Variants in WDFY2 observed in about 807,000 individuals in gnomAD.
WDFY2 encodes the protein WD repeat and FYVE domain-containing protein 2.
In WDFY2, 36 loss-of-function variants were observed where a neutral mutation model predicts 56.4. The ratio of observed to expected loss-of-function variants is 0.64; its 90% confidence interval spans 0.49 to 0.84. WDFY2 has a LOEUF of 0.84. WDFY2 is among the 40% of genes least tolerant of loss of function. The pLI is 0.00. For synonymous variants in WDFY2, 176 were observed against 183.7 expected (o/e 0.96, Z 0.34); for missense variants, 444 against 512.2 (o/e 0.87, Z 1.29).
At chr13:51,684,932 C>T (rs577594488) in intron 3 of WDFY2, among the ~76,000 whole-genome samples, 171 of 152,298 alleles carry the variant, frequency 1.1e-3, no homozygotes, top group Non-Finnish European at 1.9e-3. Flanking sequence ...ACACATTCCC[C>T]TGTGTATAGA....
At chr13:51,753,773 CTGTGTG>C (rs377762638) in intron 8 of WDFY2, among the ~76,000 whole-genome samples, 1 of 151,328 alleles carries the variant, frequency 6.6e-6, no homozygotes, top group South Asian at 2.1e-4. Context: ...GTATGTGTGT[CTGTGTG>C]TGTGTTTTAA....
chr13:51,717,656 G>C (rs1186401941), intron 4 of WDFY2, among the ~76,000 whole-genome samples: 1 of 152,102 alleles, frequency 6.6e-6, no homozygotes, highest in African/African-American at 2.4e-5. Context: ...ATCACTGATA[G>C]AACTTGAATT....
rs1951845710 is a variant in WDFY2, at chr13:51,695,363, G to T, written c.280-8233G>T. ...GGTGATGTACAGATGGGTTTTTGGT[G>T]TGGATGTCCTTTCTGTTTGTTAGTT... On this transcript the variant is annotated intron_variant, in intron 3 of 11. Transcript: ENST00000298125. Among the ~76,000 whole-genome samples the T allele has an allele frequency of 1.3e-5, 2 of 152,174 alleles. 1 individual carries two copies. Among genetic ancestry groups the T allele is most frequent in the South Asian group, 4.1e-4 (2 of 4,838 alleles).
chr13:51,675,520 G>A (rs1593401958), intron 3 of WDFY2, among the ~76,000 whole-genome samples: 1 of 152,296 alleles, frequency 6.6e-6, no homozygotes. Flanking sequence ...GCATGAATCT[G>A]CATTAGTGAG....
rs1253889825 is a variant in WDFY2, at chr13:51,584,755, C to G, written c.68C>G (p.Ser23Cys). Residue 23 changes from serine to cysteine, a missense_variant, in exon 1 of 12, where the codon TCC becomes TGC. Coordinates refer to ENST00000298125, the MANE Select transcript of WDFY2 (RefSeq NM_052950.4). ...ATCCTGCTGCAGCGGATGGAGGGGT[C>G]CCAGGAGGTGGTGAATATGGCCGTG... is the stretch of plus-strand genomic sequence containing the variant. ...KPILLQRMEG[S>C]QEVVNMAVIV... 3.1e-6 allele frequency: 5 copies of G among 1,613,878 alleles called. No individual in the cohort carries two copies. Among genetic ancestry groups the G allele is most frequent in the Non-Finnish European group, 4.2e-6 (5 of 1,179,798 alleles).
At chr13:51,729,457 C>T (rs1315597368) in intron 6 of WDFY2, among the ~76,000 whole-genome samples, 2 of 152,020 alleles carry the variant, frequency 1.3e-5, no homozygotes, top group Non-Finnish European at 2.9e-5. Flanking sequence ...TGTATATCCC[C>T]CTCACCCCAA....
chr13:51,742,512 C>T (rs554228274), intron 7 of WDFY2, among the ~76,000 whole-genome samples: 67 of 152,110 alleles, frequency 4.4e-4, no homozygotes, highest in African/African-American at 1.5e-3. Flanking sequence ...TGGTTATTAC[C>T]GAAACATAAA....
intron 1 of WDFY2, chr13:51,587,337 T>A (rs1392500954): frequency 6.6e-6 from 1 of 152,244 alleles, no homozygotes; most frequent in Non-Finnish European, 1.5e-5. Flanking sequence ...ATTCATTGTA[T>A]CATCATTAGG....
chr13:51,649,957 A>C (rs1955342155), intron 1 of WDFY2, among the ~76,000 whole-genome samples: 1 of 152,026 alleles, frequency 6.6e-6, no homozygotes, highest in Admixed American at 6.6e-5. Context: ...CTGTGAAGAA[A>C]GTCATTGGTA....
At chr13:51,757,457 G>GA (rs34923461) in intron 10 of WDFY2, among the ~76,000 whole-genome samples, 51 of 137,484 alleles carry the variant, frequency 3.7e-4, no homozygotes, top group South Asian at 3.7e-3. Context: ...TAGAAAAAAG[G>GA]AAAAAAAAAA....
At chr13:51,661,626 A>G (rs1310049505) in intron 2 of WDFY2, among the ~76,000 whole-genome samples, 6 of 152,248 alleles carry the variant, frequency 3.9e-5, no homozygotes, top group South Asian at 4.1e-4. Context: ...TAATAACTCA[A>G]ACAACAATTT....
chr13:51,651,972 G>A (rs1029581374), intron 1 of WDFY2, among the ~76,000 whole-genome samples: 4 of 152,104 alleles, frequency 2.6e-5, no homozygotes, highest in South Asian at 2.1e-4. Flanking sequence ...TTTCTGTCTC[G>A]TTGATCTGTC....
intron 1 of WDFY2, among the ~76,000 whole-genome samples, chr13:51,620,436 T>G (rs1740796651): frequency 6.6e-6 from 1 of 151,990 alleles, no homozygotes; most frequent in Non-Finnish European, 1.5e-5. Flanking sequence ...TCTGGCGGGC[T>G]CCACTTCACT....
At chr13:51,691,035 A>G (rs1042559139) in intron 3 of WDFY2, among the ~76,000 whole-genome samples, 25 of 152,010 alleles carry the variant, frequency 1.6e-4, no homozygotes, top group African/African-American at 6.0e-4. Context: ...CCACTTTTTG[A>G]TGAGGTTGGT....
At chr13:51,749,130 A>G (rs929470887) in intron 7 of WDFY2, among the ~76,000 whole-genome samples, 2 of 152,210 alleles carry the variant, frequency 1.3e-5, no homozygotes, top group African/African-American at 4.8e-5. Context: ...TTTGGAAAAT[A>G]TCTTTTTTTA....
At chr13:51,716,650 G>A (rs373252960) in intron 4 of WDFY2, among the ~76,000 whole-genome samples, 3 of 130,974 alleles carry the variant, frequency 2.3e-5, no homozygotes, top group Admixed American at 8.9e-5. Context: ...CCGAGATCCC[G>A]CCACTGCACT....
At chr13:51,613,682 A>G (rs560179022) in intron 1 of WDFY2, among the ~76,000 whole-genome samples, 9 of 150,012 alleles carry the variant, frequency 6.0e-5, no homozygotes, top group South Asian at 4.2e-4. Flanking sequence ...CTTAGCTGTG[A>G]TTTTTTTTTT....
chr13:51,705,487 A>G (rs1047171916), intron 4 of WDFY2, among the ~76,000 whole-genome samples: 2 of 152,056 alleles, frequency 1.3e-5, no homozygotes, highest in African/African-American at 4.8e-5. Context: ...CTGTTCTTAT[A>G]TAGGGTGAAT....
intron 1 of WDFY2, chr13:51,590,161 A>C (rs922468632): frequency 5.9e-5 from 9 of 152,200 alleles, no homozygotes; most frequent in Non-Finnish European, 1.0e-4. Context: ...ATTCATCCAC[A>C]TATTGCAATG....
Sources: allele counts gnomAD v4.1 joint callset (sites outside exome capture counted in the v4.1 genomes callset), GRCh38; gene constraint gnomAD v4.1.1; transcripts MANE v1.5; gene names NCBI Gene and HGNC (gene_info 2026-07-23, HGNC 2026-07-21).